The following PRORP variants were observed in gnomAD, a reference collection of about 807,000 sequenced individuals.
PRORP encodes mitochondrial ribonuclease P catalytic subunit.
Under a neutral mutation model 59.4 loss-of-function variants are expected in PRORP, and 51 were observed. That is an observed-to-expected ratio of 0.86 (90% confidence interval 0.69 to 1.08). The LOEUF (loss-of-function observed/expected upper bound fraction) is 1.08, where lower values mean the gene tolerates loss of function less well. Among genes scored for constraint, PRORP ranks in the 50% least tolerant of loss-of-function variants. The pLI is 0.00. For synonymous variants in PRORP, 231 were observed against 245.6 expected (o/e 0.94, Z 0.55); for missense variants, 646 against 690.3 (o/e 0.94, Z 0.72).
Position 35,147,436 on chromosome 14 carries a change from A to G in PRORP, c.1167+19825A>G, listed in dbSNP as rs376738621. On this transcript the variant is annotated intron_variant, in intron 4 of 7. Coordinates refer to ENST00000534898, the MANE Select transcript of PRORP (RefSeq NM_014672.4). ...TGGCTTACTGTAGCCTCCACTTCTCAGGCTCACATGATCCTCCCACCTCAG... is the reference window on the plus strand; with the variant it reads ...TGGCTTACTGTAGCCTCCACTTCTCGGGCTCACATGATCCTCCCACCTCAG... 2.0e-5 allele frequency among the ~76,000 whole-genome samples: 3 copies of G among 152,160 alleles called. No individual in the cohort carries two copies. The East Asian group carries it at 5.8e-4, about 29-fold the overall frequency.
At chr14:35,214,260 A>G (rs1021372408) in intron 5 of PRORP, among the ~76,000 whole-genome samples, 8 of 152,214 alleles carry the variant, frequency 5.3e-5, no homozygotes, top group Non-Finnish European at 1.2e-4. Flanking sequence ...TTTTTGAAGA[A>G]GAGTTGTATT....
At chr14:35,135,870 A>G (rs1331190085) in intron 4 of PRORP, among the ~76,000 whole-genome samples, 1 of 151,822 alleles carries the variant, frequency 6.6e-6, no homozygotes, top group Non-Finnish European at 1.5e-5. Flanking sequence ...AGGCAGAAGA[A>G]TCGCTGGAAC....
At chr14:35,261,137 C>T (rs1433706318) in intron 5 of PRORP, among the ~76,000 whole-genome samples, 2 of 152,140 alleles carry the variant, frequency 1.3e-5, no homozygotes, top group African/African-American at 4.8e-5. Flanking sequence ...TGTCTGCACA[C>T]ATTGGCATTT....
intron 5 of PRORP, among the ~76,000 whole-genome samples, chr14:35,223,092 ACT>A: frequency 6.6e-6 from 1 of 151,304 alleles, no homozygotes; most frequent in East Asian, 1.9e-4. Flanking sequence ...TTCTTATAAA[ACT>A]CTTGTCACCC....
chr14:35,204,753 G>T (rs2049248399), intron 5 of PRORP, among the ~76,000 whole-genome samples: 2 of 152,186 alleles, frequency 1.3e-5, no homozygotes, highest in South Asian at 4.1e-4. Flanking sequence ...AGATTTCTCA[G>T]ATTTTCTTGT....
chr14:35,127,421 T>G, intron 3 of PRORP, 58 bp from the exon 4 acceptor site: 1 of 1,296,448 alleles, frequency 7.7e-7, no homozygotes, highest in South Asian at 1.8e-5. Flanking sequence ...ACAAATTTTT[T>G]TCCCCAGAAC....
chr14:35,235,242 T>A, intron 5 of PRORP: 1 of 726,234 alleles, frequency 1.4e-6, no homozygotes, highest in Non-Finnish European at 2.5e-6. Flanking sequence ...GCCACAGACT[T>A]GGGACCCAGG....
At position 35,273,997 on chromosome 14, in the gene PRORP, C is replaced by T. The variant is rs1243702885; in HGVS notation, c.*431C>T. 6 of 156,670 alleles carry T rather than the reference C, an allele frequency of 3.8e-5. No individual in the cohort carries two copies. In the Middle Eastern group the frequency reaches 9.5e-3, roughly 248 times the overall value. The allele number at this position is 156,670 out of a possible 1,614,324, so 9.7% of individuals were successfully genotyped here. A position where few individuals can be genotyped will look rare whatever the true frequency, so the allele number is the denominator to read the frequency against. On this transcript the variant is annotated 3_prime_UTR_variant, in exon 8 of 8. Coordinates refer to ENST00000534898, the MANE Select transcript of PRORP (RefSeq NM_014672.4). ...CCCATTTCTGGCATAGTCTCATTCT[C>T]TGTATGTTATGCCCTATCCACATGG...
intron 5 of PRORP, among the ~76,000 whole-genome samples, chr14:35,221,636 C>T (rs1011256565): frequency 1.3e-5 from 2 of 152,194 alleles, no homozygotes; most frequent in African/African-American, 4.8e-5. Flanking sequence ...TGTGCTGTCT[C>T]CTGGGGCTTT....
At chr14:35,205,022 T>A (rs1368046385) in intron 5 of PRORP, among the ~76,000 whole-genome samples, 2 of 152,218 alleles carry the variant, frequency 1.3e-5, no homozygotes, top group Non-Finnish European at 2.9e-5. Context: ...CAATGATAAA[T>A]CACCCATGAT....
intron 5 of PRORP, among the ~76,000 whole-genome samples, chr14:35,247,271 C>G (rs1277895935): frequency 2.6e-5 from 4 of 152,152 alleles, no homozygotes; most frequent in Admixed American, 2.6e-4. Flanking sequence ...TTGCTTAAAA[C>G]ATGAACTGGA....
chr14:35,194,333 C>T (rs1312472920), intron 5 of PRORP, among the ~76,000 whole-genome samples: 1 of 152,112 alleles, frequency 6.6e-6, no homozygotes, highest in African/African-American at 2.4e-5. Context: ...CATATATACA[C>T]CATGGAATAC....
chr14:35,256,154 G>C (rs976190744), intron 5 of PRORP, among the ~76,000 whole-genome samples: 1 of 150,294 alleles, frequency 6.7e-6, no homozygotes, highest in Non-Finnish European at 1.5e-5. Context: ...CGTGGTGGCA[G>C]GCACCTGTAA....
At chr14:35,171,741 T>C (rs2138995437) in intron 4 of PRORP, among the ~76,000 whole-genome samples, 1 of 152,296 alleles carries the variant, frequency 6.6e-6, no homozygotes, top group Admixed American at 6.5e-5. Flanking sequence ...TTTATTACTC[T>C]ATCCTTTCTA....
rs1325557604 is a variant in PRORP, at chr14:35,270,366, G to A, written c.1425-35G>A. On this transcript the variant is annotated intron_variant, in intron 6 of 7. Coordinates refer to ENST00000534898, the MANE Select transcript of PRORP (RefSeq NM_014672.4). ...AACACTGTCCTCTGCCTCTTCAGCT[G>A]TGCTTGATTGTGTCCTTTCTTATGC... 3 of 1,596,578 alleles carry A rather than the reference G, an allele frequency of 1.9e-6. No individual in the cohort carries two copies. The Admixed American group carries it at 5.0e-5, about 27-fold the overall frequency.
In PRORP at chr14:35,166,104, C is replaced by T. The variant is rs369642520; in HGVS notation, c.1168-14566C>T. Among the ~76,000 whole-genome samples the T allele has an allele frequency of 3.5e-3, 527 of 152,180 alleles. 9 individuals are homozygous for T. In the South Asian group the frequency reaches 0.038, roughly 11 times the overall value. On this transcript the variant is annotated intron_variant, in intron 4 of 7. Coordinates refer to ENST00000534898, the MANE Select transcript of PRORP (RefSeq NM_014672.4). ...GAGGCTTAAAAGTTGGATCTCTGTT[C>T]TCTGTCCCTTATATCCATAATGTTC...
intron 4 of PRORP, among the ~76,000 whole-genome samples, chr14:35,169,949 C>G (rs2048275001): frequency 1.3e-5 from 2 of 152,198 alleles, no homozygotes; most frequent in African/African-American, 2.4e-5. Flanking sequence ...TGTAGAGTTA[C>G]CTGTTCCTCC....
At chr14:35,146,353 A>C (rs1024391865) in intron 4 of PRORP, among the ~76,000 whole-genome samples, 2 of 152,218 alleles carry the variant, frequency 1.3e-5, no homozygotes, top group African/African-American at 4.8e-5. Flanking sequence ...ATTGACAAAG[A>C]GGTGTTTCTC....
In PRORP at chr14:35,275,110, G is replaced by A. The variant is rs114050624; in HGVS notation, c.*1544G>A. ...TTGAGAGAACTTTCTCGGGGTGATG[G>A]AAAGTTTCTTATATTGATTTGGGTA... On this transcript the variant is annotated 3_prime_UTR_variant, in exon 8 of 8. Transcript: ENST00000534898. The A allele has an allele frequency of 2.8e-3, 423 of 152,172 alleles. 1 individual carries two copies. The highest frequency in any genetic ancestry group is 9.8e-3 in the African/African-American group (408 of 41,514). 9.4% of individuals were successfully genotyped at this position (152,172 alleles called of 1,614,324 possible).
Sources: gnomAD v4.1 joint callset for allele counts (sites outside exome capture counted in the v4.1 genomes callset) on GRCh38, gnomAD v4.1.1 for gene constraint, MANE v1.5 for transcripts, NCBI Gene and HGNC (gene_info 2026-07-23, HGNC 2026-07-21) for gene names.